Variants in PCDH11X observed in about 807,000 individuals in gnomAD.
The protein encoded by PCDH11X is protocadherin 11 X-linked, also known as protocadherin-11 X-linked.
Under a neutral mutation model 53.3 loss-of-function variants are expected in PCDH11X, and 18 were observed. The observed-to-expected ratio is 0.34, with a 90% confidence interval of 0.23 to 0.50. The LOEUF is 0.50. PCDH11X is among the 20% of genes least tolerant of loss of function. The pLI, the probability that PCDH11X is intolerant of heterozygous loss-of-function variation, is 0.98. For synonymous variants in PCDH11X, 279 were observed against 393.3 expected (o/e 0.71, Z 3.44); for missense variants, 570 against 1,032.4 (o/e 0.55, Z 6.14).
intron 1 of PCDH11X, among the ~76,000 whole-genome samples, chrX:91,790,835 T>A (rs891853322): frequency 1.9e-4 from 21 of 110,711 alleles, no homozygotes; most frequent in Non-Finnish European, 9.4e-5. Flanking sequence ...AAAGCAACCA[T>A]TGAAATAAGT....
At chrX:92,496,223 G>T (rs6615408) in intron 10 of PCDH11X, among the ~76,000 whole-genome samples, 1 of 83,903 alleles carries the variant, frequency 1.2e-5, no homozygotes, top group East Asian at 3.8e-4. Flanking sequence ...AAATTAGGAA[G>T]TATAAGAGAC....
At chrX:92,034,009 C>T (rs2148018713) in intron 6 of PCDH11X, among the ~76,000 whole-genome samples, 1 of 110,150 alleles carries the variant, frequency 9.1e-6, no homozygotes, top group East Asian at 2.9e-4. Context: ...TCTTCATTGA[C>T]TCACTGGTAA....
chrX:92,347,177 T>G (rs1252115331), intron 8 of PCDH11X, among the ~76,000 whole-genome samples: 1 of 111,921 alleles, frequency 8.9e-6, no homozygotes, highest in African/African-American at 3.2e-5. Flanking sequence ...TATCTGTGTA[T>G]GTGTACAAGC....
At chrX:91,981,021 A>C (rs1422913970) in intron 6 of PCDH11X, among the ~76,000 whole-genome samples, 1 of 96,200 alleles carries the variant, frequency 1.0e-5, no homozygotes, top group Non-Finnish European at 2.0e-5. Flanking sequence ...ATATACACTG[A>C]ATATATATAT....
intron 6 of PCDH11X, among the ~76,000 whole-genome samples, chrX:91,965,854 C>G (rs1230718123): frequency 9.0e-6 from 1 of 111,523 alleles, no homozygotes; most frequent in Admixed American, 9.6e-5. Flanking sequence ...CCCAAAACAG[C>G]AGGGGTTTGG....
At chrX:91,911,141 A>G (rs1442953660) in intron 6 of PCDH11X, among the ~76,000 whole-genome samples, 1 of 111,058 alleles carries the variant, frequency 9.0e-6, no homozygotes, top group Non-Finnish European at 1.9e-5. Context: ...AAAATGCCAA[A>G]GGATTGGATA....
At chrX:91,811,144 T>C in intron 3 of PCDH11X, 93 bp from the exon 4 acceptor site, 1 of 896,347 alleles carries the variant, frequency 1.1e-6, no homozygotes, top group Non-Finnish European at 1.5e-6. Flanking sequence ...ATCTTTTCAG[T>C]GCATCTATTT....
At chrX:92,177,820 C>T (rs1019522715) in intron 6 of PCDH11X, among the ~76,000 whole-genome samples, 2 of 110,345 alleles carry the variant, frequency 1.8e-5, no homozygotes, top group Non-Finnish European at 3.8e-5. Context: ...TATATGTACA[C>T]AATTATACAT....
At chrX:91,802,204 G>A (rs1569386032) in intron 1 of PCDH11X, among the ~76,000 whole-genome samples, 1 of 112,914 alleles carries the variant, frequency 8.9e-6, no homozygotes, top group Non-Finnish European at 1.9e-5. Flanking sequence ...TTAAATTTGG[G>A]CAATTTTCTT....
chrX:92,475,734 G>A (rs754886995), intron 10 of PCDH11X, among the ~76,000 whole-genome samples: 2 of 111,404 alleles, frequency 1.8e-5, no homozygotes, highest in South Asian at 3.8e-4. Context: ...ACTAGGTATT[G>A]GAAGTTCTCT....
intron 8 of PCDH11X, among the ~76,000 whole-genome samples, chrX:92,304,391 G>A (rs1380585338): frequency 9.0e-6 from 1 of 111,138 alleles, no homozygotes; most frequent in Non-Finnish European, 1.9e-5. Context: ...TTGACAAAAA[G>A]CTACACAGAT....
chrX:92,072,238 C>A (rs2148080760), intron 6 of PCDH11X, among the ~76,000 whole-genome samples: 1 of 110,832 alleles, frequency 9.0e-6, no homozygotes, highest in African/African-American at 3.3e-5. Context: ...GTCCAAGAGC[C>A]TAGGCGTGAA....
In PCDH11X at chrX:92,053,712, A is replaced by G. The variant is rs1219152388; in HGVS notation, c.3034-147663A>G. ...CAGCCTCCTGAGTAGCTGGGATTAC[A>G]GGCACCCACCACCACACCCGGCTAA... On this transcript the variant is annotated intron_variant, in intron 6 of 10. Coordinates refer to ENST00000682573, the MANE Select transcript of PCDH11X (RefSeq NM_032968.5). Among the ~76,000 whole-genome samples the G allele has an allele frequency of 3.9e-4, 42 of 108,554 alleles. No individual in the cohort carries two copies. The East Asian group carries it at 5.6e-3, about 14-fold the overall frequency. The allele number at this position is 108,554 out of a possible 115,157, so 94.3% of individuals were successfully genotyped here. A position where few individuals can be genotyped will look rare whatever the true frequency, so the allele number is the denominator to read the frequency against.
At chrX:92,313,610 T>C (rs1345799739) in intron 8 of PCDH11X, among the ~76,000 whole-genome samples, 1 of 109,071 alleles carries the variant, frequency 9.2e-6, no homozygotes, top group Non-Finnish European at 1.9e-5. Flanking sequence ...ATGATGGAGA[T>C]ACTTTCTGAG....
intron 6 of PCDH11X, among the ~76,000 whole-genome samples, chrX:92,162,260 C>T (rs1234536239): frequency 9.6e-6 from 1 of 104,594 alleles, no homozygotes; most frequent in Non-Finnish European, 1.9e-5. Context: ...GGTGCGATCT[C>T]GGCTTACTGC....
At chrX:91,796,595 T>G (rs1213354796) in intron 1 of PCDH11X, among the ~76,000 whole-genome samples, 1 of 111,481 alleles carries the variant, frequency 9.0e-6, no homozygotes, top group African/African-American at 3.3e-5. Flanking sequence ...TATAGCTGAC[T>G]TGATAAACTG....
intron 6 of PCDH11X, among the ~76,000 whole-genome samples, chrX:91,886,604 C>T (rs1195013660): frequency 9.2e-6 from 1 of 108,395 alleles, no homozygotes; most frequent in African/African-American, 3.4e-5. Context: ...ATTTTAATCT[C>T]ATTCATTAAT....
At chrX:92,525,845 A>G (rs1342067712) in intron 10 of PCDH11X, among the ~76,000 whole-genome samples, 2 of 111,105 alleles carry the variant, frequency 1.8e-5, no homozygotes, top group Non-Finnish European at 3.8e-5. Context: ...TCGTGAGGGC[A>G]TGGAATTCAT....
In PCDH11X at chrX:91,825,595, A is replaced by T. The variant is rs780899990; in HGVS notation, c.-44-9866A>T. On this transcript the variant is annotated intron_variant, in intron 4 of 10. Coordinates refer to ENST00000682573, the MANE Select transcript of PCDH11X (RefSeq NM_032968.5). ...CTGTGTGGCACTCCCTAGTGAGATG[A>T]ACCCAGTACCTCAGATGGAAATGCA... Among the ~76,000 whole-genome samples, 12 of 110,954 alleles carry T rather than the reference A, an allele frequency of 1.1e-4. No individual in the cohort carries two copies. In the East Asian group the frequency reaches 2.6e-3, roughly 24 times the overall value.
Sources: allele counts gnomAD v4.1 joint callset (sites outside exome capture counted in the v4.1 genomes callset), GRCh38; gene constraint gnomAD v4.1.1; transcripts MANE v1.5; gene names NCBI Gene and HGNC (gene_info 2026-07-23, HGNC 2026-07-21).